The following TFDP1 variants were observed in gnomAD, a reference collection of about 807,000 sequenced individuals.
TFDP1 encodes the protein transcription factor Dp-1, also known as DRTF1-polypeptide 1.
A neutral mutation model predicts 48.0 loss-of-function variants in TFDP1; 6 were observed. The ratio of observed to expected loss-of-function variants is 0.13; its 90% CI spans 0.07 to 0.25. TFDP1 has a LOEUF of 0.25. TFDP1 is among the 10% of genes least tolerant of loss of function. The pLI, the probability that TFDP1 is intolerant of heterozygous loss-of-function variation, is 1.00. For synonymous variants in TFDP1, 201 were observed against 211.6 expected, an observed-to-expected ratio of 0.95 and a Z score of 0.44; for missense variants, 335 against 543.0, an observed-to-expected ratio of 0.62 and a Z score of 3.81.
At position 113,619,882 on chromosome 13, in the gene TFDP1, C is replaced by T. The variant is rs183398306; in HGVS notation, c.80-3298C>T. Among the ~76,000 whole-genome samples, 167 of 152,188 alleles carry T rather than the reference C, an allele frequency of 1.1e-3. 1 individual carries two copies. Among genetic ancestry groups the T allele is most frequent in the African/African-American group, 4.0e-3 (164 of 41,498 alleles). ...CTGTGCTTGGCAAGGCCTTGGGCTC[C>T]GAAACCCTTTACCTGCAGCTGGTGT... is the stretch of plus-strand genomic sequence containing the variant. On this transcript the variant is annotated intron_variant, in intron 3 of 11. Transcript: ENST00000375370.
In TFDP1 at chr13:113,598,304, A is replaced by G. The variant is rs948632873; in HGVS notation, c.12+12455A>G. 6.6e-5 allele frequency among the ~76,000 whole-genome samples: 10 copies of G among 152,112 alleles called. No homozygotes were observed. The highest frequency in any genetic ancestry group is 1.5e-4 in the Non-Finnish European group (10 of 68,022). On this transcript the variant is annotated intron_variant, in intron 2 of 11. Transcript: ENST00000375370. The surrounding 1 kb of genome is among the most constrained non-coding windows in gnomAD (Gnocchi z 4.2). ...GTATGGGTTTTCCAGGCAGTTTTGC[A>G]TTTGTGCCTGTTGTAGACTAGAGCA...
intron 4 of TFDP1, among the ~76,000 whole-genome samples, chr13:113,625,633 G>A (rs1455029013): frequency 3.1e-4 from 30 of 96,236 alleles, no homozygotes; most frequent in African/African-American, 1.2e-3. Flanking sequence ...GTCCTCAGGC[G>A]TCTCTCACGT....
At chr13:113,634,748 G>T (rs772361891) in intron 8 of TFDP1, 146 bp downstream of exon 8, 1 of 654,418 alleles carries the variant, frequency 1.5e-6, no homozygotes, top group Non-Finnish European at 2.6e-6. Flanking sequence ...CATCTCATAG[G>T]TGTTGAACGT....
At chr13:113,625,881 C>CGTCCTCAGGTGTCTCTCACGT (rs1566667677) in intron 4 of TFDP1, among the ~76,000 whole-genome samples, 10 of 64,490 alleles carry the variant, frequency 1.6e-4, no homozygotes, top group East Asian at 4.4e-4. Context: ...GTCTCTCACG[C>CGTCCTCAGGTGTCTCTCACGT]GTCCTCAGGT....
intron 2 of TFDP1, among the ~76,000 whole-genome samples, chr13:113,592,463 C>T (rs545703478): frequency 6.6e-6 from 1 of 152,316 alleles, no homozygotes; most frequent in East Asian, 1.9e-4. Context: ...GGCCATGAAT[C>T]CTGTTTTTCT....
At chr13:113,618,136 G>A (rs564275519) in intron 3 of TFDP1, among the ~76,000 whole-genome samples, 1 of 152,340 alleles carries the variant, frequency 6.6e-6, no homozygotes, top group African/African-American at 2.4e-5. Context: ...TCCCTGAAAT[G>A]TTAGCCCTCC....
At chr13:113,603,188 T>G (rs1008803560) in intron 2 of TFDP1, among the ~76,000 whole-genome samples, 3 of 152,194 alleles carry the variant, frequency 2.0e-5, no homozygotes, top group Admixed American at 2.0e-4. Flanking sequence ...TCCAGGTGTA[T>G]GCCCCACCTG....
At chr13:113,614,919 G>C (rs552585329) in intron 3 of TFDP1, among the ~76,000 whole-genome samples, 2 of 152,206 alleles carry the variant, frequency 1.3e-5, no homozygotes, top group Non-Finnish European at 2.9e-5. Context: ...CCTGCATCGA[G>C]CACAGTCTCC....
At chr13:113,618,077 AT>A (rs1186965705) in intron 3 of TFDP1, among the ~76,000 whole-genome samples, 2 of 152,178 alleles carry the variant, frequency 1.3e-5, no homozygotes, top group Non-Finnish European at 2.9e-5. Context: ...AAACAATATT[AT>A]TTCTATTGAG....
At chr13:113,593,368 A>AG (rs2048197144) in intron 2 of TFDP1, among the ~76,000 whole-genome samples, 2 of 103,770 alleles carry the variant, frequency 1.9e-5, no homozygotes, top group Admixed American at 1.1e-4. Context: ...GTGGGTCCTC[A>AG]CCCTGCCCAG....
At chr13:113,614,884 C>A (rs1414276193) in intron 3 of TFDP1, among the ~76,000 whole-genome samples, 1 of 152,158 alleles carries the variant, frequency 6.6e-6, no homozygotes, top group Admixed American at 6.5e-5. Flanking sequence ...GCTCTGAAAG[C>A]CTTCAGTGGG....
rs539424435 is a variant in TFDP1 at position 113,585,754 on chromosome 13, T to A, written c.-64-20T>A. ...TACTTATTTCTTGTTTTTCCTTACTTTTTTTTTTTTTTTTACCAGAAAAAT... is the reference window on the plus strand; with the variant it reads ...TACTTATTTCTTGTTTTTCCTTACTATTTTTTTTTTTTTTACCAGAAAAAT... On this transcript the variant is annotated intron_variant, in intron 1 of 11. Transcript: ENST00000375370. The A allele has an allele frequency of 2.5e-5, 8 of 323,114 alleles. No individual in the cohort carries two copies. In the East Asian group the frequency reaches 6.1e-4, roughly 25 times the overall value. 20.0% of individuals were successfully genotyped at this position (323,114 alleles called of 1,614,324 possible). A position where few individuals can be genotyped will look rare whatever the true frequency, so the allele number is the denominator to read the frequency against.
intron 2 of TFDP1, among the ~76,000 whole-genome samples, chr13:113,605,950 TG>T (rs2048556276): frequency 1.4e-5 from 2 of 138,890 alleles, no homozygotes; most frequent in Admixed American, 1.4e-4. Flanking sequence ...GGCGGCGCGG[TG>T]GTGAGTGTCC....
In TFDP1 at chr13:113,634,823, A is replaced by G. The variant is rs797019630; in HGVS notation, c.687+221A>G. ...CATGCATGTGTGTGTGCGTGCATGC[A>G]TGCATGTGTGTGTGTGTGCATGTGC... On this transcript the variant is annotated intron_variant, in intron 8 of 11. Transcript: ENST00000375370. Among the ~76,000 whole-genome samples, 665 of 148,812 alleles carry G rather than the reference A, an allele frequency of 4.5e-3. 5 individuals carry two copies. The highest frequency in any genetic ancestry group is 0.016 in the African/African-American group (630 of 40,176).
chr13:113,614,227 C>T (rs112001898), intron 3 of TFDP1, among the ~76,000 whole-genome samples: 14 of 150,112 alleles, frequency 9.3e-5, no homozygotes, highest in East Asian at 2.0e-4. Context: ...GATGTGTGTG[C>T]GTGTGTGAGT....
rs1242352429 is a variant in TFDP1 at position 113,636,461 on chromosome 13, T to C, written c.840-73T>C. The C allele has an allele frequency of 7.8e-6, 12 of 1,545,830 alleles. No homozygotes were observed. In the Admixed American group the frequency reaches 1.4e-4, roughly 18 times the overall value. On this transcript the variant is annotated intron_variant, in intron 9 of 11. Transcript: ENST00000375370. ...TGTGTGGCGGTCAGCGGGTCAGCCG[T>C]CCTGGCTCCACCCCAGTGTGTACCG...
chr13:113,640,183 C>T lies in TFDP1; in HGVS notation c.1149C>T (p.Gly383=). The change falls in exon 12 of 12, where the codon GGC becomes GGT. Residue 383 remains glycine (G), a synonymous_variant. Coordinates refer to ENST00000375370, the MANE Select transcript of TFDP1 (RefSeq NM_007111.5). The part of the protein sequence containing the change: ...ATSSNGSQYS[G]SRVETPVSYV... ...GCTCCAATGGGTCTCAGTACAGCGGCTCCAGGGTGGAGACTCCGGTGTCCT... is the reference window on the plus strand; with the variant it reads ...GCTCCAATGGGTCTCAGTACAGCGGTTCCAGGGTGGAGACTCCGGTGTCCT... 6.2e-7 allele frequency: 1 copy of T among 1,613,586 alleles called. No individual in the cohort carries two copies. Among genetic ancestry groups the T allele is most frequent in the Non-Finnish European group, 8.5e-7 (1 of 1,179,846 alleles).
intron 7 of TFDP1, 21 bp from the exon 8 acceptor site, chr13:113,634,513 A>G (rs764864656): frequency 2.5e-6 from 4 of 1,608,816 alleles, no homozygotes; most frequent in Middle Eastern, 1.7e-4. Flanking sequence ...GATTCTTCAC[A>G]TGGGTGGTTT....
At chr13:113,593,209 G>A (rs1338506862) in intron 2 of TFDP1, among the ~76,000 whole-genome samples, 1 of 134,092 alleles carries the variant, frequency 7.5e-6, no homozygotes. Flanking sequence ...CTGATCCTCA[G>A]CCCTGTCCAG....
Sources: allele counts gnomAD v4.1 joint callset (sites outside exome capture counted in the v4.1 genomes callset), GRCh38; gene constraint gnomAD v4.1.1; non-coding constraint Gnocchi (gnomAD v3.1); transcripts MANE v1.5; gene names NCBI Gene and HGNC (gene_info 2026-07-23, HGNC 2026-07-21).